Variants in VWF observed in about 807,000 individuals in gnomAD.
The protein encoded by VWF is von Willebrand factor.
VWF carries 176 observed loss-of-function variants against 308.6 expected under a neutral mutation model. The observed-to-expected ratio is 0.57, with a 90% confidence interval of 0.50 to 0.65. The LOEUF is 0.65. Among genes scored for constraint, VWF ranks in the 30% least tolerant of loss-of-function variants. The pLI is 0.00. For missense variants in VWF, 3,146 were observed against 3,648.2 expected (o/e 0.86, Z 3.55); for synonymous variants, 1,385 against 1,443.4 (o/e 0.96, Z 0.92).
chr12:6,089,428 T>C (rs913331773), intron 6 of VWF, among the ~76,000 whole-genome samples: 2 of 152,172 alleles, frequency 1.3e-5, no homozygotes, highest in Non-Finnish European at 2.9e-5. Context: ...TTTTTTCAGC[T>C]GTTCCCAGGA....
chr12:6,075,435 A>G lies in VWF; in HGVS notation c.774T>C (p.Ala258=), dbSNP rs556427593. The G allele has an allele frequency of 6.2e-7, 1 of 1,614,146 alleles. No homozygotes were observed. Among genetic ancestry groups the G allele is most frequent in the South Asian group, 1.1e-5 (1 of 91,080 alleles). The change falls in exon 7 of 52, where the codon GCT becomes GCC. Residue 258 remains alanine, a synonymous_variant. Transcript: ENST00000261405. The surrounding 1 kb of genome is among the most constrained non-coding windows in gnomAD (Gnocchi z 4.7). ...CAGGGCAGGCGCACTCCAGCCCCCC[A>G]GCACACTCACACAAAGTCTTCTCAC... ...ALCEKTLCEC[A]GGLECACPAL...
At chr12:6,090,594 T>A (rs1945021961) in intron 6 of VWF, among the ~76,000 whole-genome samples, 1 of 131,794 alleles carries the variant, frequency 7.6e-6, no homozygotes, top group Non-Finnish European at 1.6e-5. Flanking sequence ...GGGAGCCAGC[T>A]AACAACAACT....
chr12:6,090,554 G>C (rs975097411), intron 6 of VWF, among the ~76,000 whole-genome samples: 1 of 152,136 alleles, frequency 6.6e-6, no homozygotes, highest in Non-Finnish European at 1.5e-5. Context: ...GGGCACTCCA[G>C]CGGAAAACAC....
chr12:5,949,788 G>C lies in VWF; in HGVS notation c.8251C>G (p.Gln2751Glu). The stretch of plus-strand genomic sequence containing the variant: ...CCTTATTGAAGCAGAGCCCTTACCT[G>C]GCAGTAGTGGATATCCACCTCTACT... ...SEVEVDIHYCQGKCASKAMYS... is the reference protein window; with the variant it reads ...SEVEVDIHYCEGKCASKAMYS... Residue 2751 changes from glutamine (Q) to glutamate (E), a missense_variant and splice_region_variant, in exon 51 of 52, where the codon CAG becomes GAG. Gln to Glu is a conservative substitution (Grantham distance 29). Around this residue, in one of 3 missense-constraint regions of VWF, gnomAD observed 989 missense variants for 1,117.4 expected, o/e 0.89. Transcript: ENST00000261405. 6.2e-7 allele frequency: 1 copy of C among 1,613,762 alleles called. No homozygotes were observed. Among genetic ancestry groups the C allele is most frequent in the Non-Finnish European group, 8.5e-7 (1 of 1,179,656 alleles).
intron 34 of VWF, among the ~76,000 whole-genome samples, chr12:6,010,190 A>C (rs1403781052): frequency 2.6e-5 from 4 of 152,264 alleles, no homozygotes; most frequent in African/African-American, 9.6e-5. Flanking sequence ...TCACAAAATT[A>C]GACCAAAAAA....
chr12:6,067,072 C>T (rs767679952), intron 10 of VWF, among the ~76,000 whole-genome samples: 3 of 152,204 alleles, frequency 2.0e-5, no homozygotes, highest in South Asian at 2.1e-4. Context: ...CCACCTTCTC[C>T]GCTGCCCCCT....
rs181484792 is a variant in VWF at position 5,968,315 on chromosome 12, G to A, written c.7730-148C>T. 1,359 of 902,750 alleles carry A rather than the reference G, an allele frequency of 1.5e-3. 9 individuals are homozygous for A. In the African/African-American group the frequency reaches 0.017, roughly 12 times the overall value. 55.9% of individuals were successfully genotyped at this position (902,750 alleles called of 1,614,324 possible). On this transcript the variant is annotated intron_variant, in intron 45 of 51. Transcript: ENST00000261405. ...CTTTCCCCCCACCCCACAACCCAGC[G>A]CTGGGGGTCCTACTGCTGGAGCCCA...
intron 38 of VWF, among the ~76,000 whole-genome samples, chr12:5,991,197 A>G (rs899654800): frequency 5.0e-5 from 7 of 138,826 alleles, no homozygotes; most frequent in Non-Finnish European, 1.1e-4. Context: ...ACACACACAC[A>G]CACACACACG....
chr12:6,031,540 T>C lies in VWF; in HGVS notation c.2724A>G (p.Leu908=), dbSNP rs766346430. 1.2e-6 allele frequency: 2 copies of C among 1,613,954 alleles called. No homozygotes were observed. The highest frequency in any genetic ancestry group is 1.7e-6 in the Non-Finnish European group (2 of 1,179,984). Residue 908 remains leucine, a synonymous_variant, in exon 21 of 52, where the codon CTA becomes CTG. Transcript: ENST00000261405. ...CGSNPGTFRI[L]VGNKGCSHPS... ...GGTGGCTGCATCCCTTATTCCCCACTAGGATCCGAAAGGTCCCAGGGTTAC... is the reference window on the plus strand; with the variant it reads ...GGTGGCTGCATCCCTTATTCCCCACCAGGATCCGAAAGGTCCCAGGGTTAC...
At chr12:5,979,525 G>A (rs979445833) in intron 42 of VWF, among the ~76,000 whole-genome samples, 3 of 152,156 alleles carry the variant, frequency 2.0e-5, no homozygotes, top group Non-Finnish European at 1.5e-5. Context: ...GTCGAGGCGG[G>A]TGGATCACAA....
intron 6 of VWF, among the ~76,000 whole-genome samples, chr12:6,094,053 T>C (rs913797517): frequency 2.6e-5 from 4 of 151,970 alleles, no homozygotes; most frequent in Admixed American, 6.6e-5. Flanking sequence ...GAGGCAGAAA[T>C]TGAAGTCATG....
intron 6 of VWF, among the ~76,000 whole-genome samples, chr12:6,092,618 A>AGTGTGTGTGTGTGTGT (rs752209524): frequency 2.1e-4 from 14 of 66,216 alleles, no homozygotes; most frequent in Non-Finnish European, 2.6e-4. Flanking sequence ...AGTGAGTGAG[A>AGTGTGTGTGTGTGTGT]GTGTGTGTGT....
intron 34 of VWF, among the ~76,000 whole-genome samples, chr12:6,008,255 G>C (rs1447125081): frequency 6.6e-6 from 1 of 151,908 alleles, no homozygotes; most frequent in African/African-American, 2.4e-5. Context: ...GATGAACACA[G>C]ATGCAAAAAT....
intron 10 of VWF, among the ~76,000 whole-genome samples, chr12:6,070,529 T>G (rs538803898): frequency 1.3e-5 from 2 of 152,306 alleles, no homozygotes; most frequent in African/African-American, 4.8e-5. Context: ...TCATTTAACC[T>G]CTCTAGGTCT....
chr12:6,082,851 G>A (rs928085481), intron 6 of VWF, among the ~76,000 whole-genome samples: 2 of 152,168 alleles, frequency 1.3e-5, no homozygotes, highest in African/African-American at 2.4e-5. Context: ...CACTAGTGAT[G>A]GGGTGCAAAC....
chr12:6,072,190 C>A (rs1385157292), intron 9 of VWF, 141 bp downstream of exon 9: 28 of 725,120 alleles, frequency 3.9e-5, no homozygotes, highest in Non-Finnish European at 6.0e-5. Context: ...TCCCTAGCCC[C>A]CACCAGTAGC....
chr12:6,111,857 C>T (rs1263125605), intron 3 of VWF, among the ~76,000 whole-genome samples: 2 of 150,128 alleles, frequency 1.3e-5, no homozygotes, highest in Non-Finnish European at 2.9e-5. Context: ...CTTTGGGAGG[C>T]TGAGGCAGAA....
rs1384809816 is a variant in VWF at position 6,046,965 on chromosome 12, A to G, written c.2187-148T>C. On this transcript the variant is annotated intron_variant, in intron 16 of 51. Transcript: ENST00000261405. This position sits in a 1 kb window ranked among gnomAD's most constrained non-coding sequence, Gnocchi z 5.0. Reference sequence around the variant, plus strand: ...GAAGCACAGCTTGCTAACGTTACCAATGGATGATCCCCACGTCACTAAATC... The same window carrying G: ...GAAGCACAGCTTGCTAACGTTACCAGTGGATGATCCCCACGTCACTAAATC... 2.7e-6 allele frequency: 2 copies of G among 728,652 alleles called. No individual in the cohort carries two copies. The highest frequency in any genetic ancestry group is 3.5e-5 in the African/African-American group (2 of 57,614). The allele number at this position is 728,652 out of a possible 1,614,324, so 45.1% of individuals were successfully genotyped here. A position where few individuals can be genotyped will look rare whatever the true frequency, so the allele number is the denominator to read the frequency against.
intron 15 of VWF, 77 bp from the exon 16 acceptor site, chr12:6,052,860 C>T: frequency 6.5e-7 from 1 of 1,541,978 alleles, no homozygotes; most frequent in South Asian, 1.2e-5. Context: ...CTTGCCACCC[C>T]TTGTAGCTGT....
Sources: allele counts gnomAD v4.1 joint callset (sites outside exome capture counted in the v4.1 genomes callset), GRCh38; gene constraint gnomAD v4.1.1; regional missense constraint gnomAD v4.1.1; non-coding constraint Gnocchi (gnomAD v3.1); transcripts MANE v1.5; gene names NCBI Gene and HGNC (gene_info 2026-07-23, HGNC 2026-07-21).